The following MAST2 variants were observed in gnomAD, a reference collection of about 807,000 sequenced individuals.
MAST2 encodes microtubule-associated serine/threonine-protein kinase 2.
MAST2 carries 70 observed loss-of-function variants against 147.4 expected under a neutral mutation model. The ratio of observed to expected loss-of-function variants is 0.47; its 90% CI spans 0.39 to 0.58. The LOEUF (loss-of-function observed/expected upper bound fraction) is 0.58. MAST2 is among the 20% of genes least tolerant of loss of function. The pLI is 0.00. For synonymous variants in MAST2, 869 were observed against 896.8 expected (o/e 0.97, Z 0.55); for missense variants, 2,080 against 2,302.3 (o/e 0.90, Z 1.98).
At chr1:45,859,864 T>G (rs970468327) in intron 3 of MAST2, among the ~76,000 whole-genome samples, 4 of 152,198 alleles carry the variant, frequency 2.6e-5, no homozygotes, top group Admixed American at 1.3e-4. Context: ...AAATGTTTTA[T>G]TCATCTGTTC....
At chr1:45,843,673 A>G (rs1645343795) in intron 3 of MAST2, among the ~76,000 whole-genome samples, 1 of 152,226 alleles carries the variant, frequency 6.6e-6, no homozygotes, top group African/African-American at 2.4e-5. Context: ...ACAGTGAAGT[A>G]TTCAACTTAG....
At chr1:45,812,707 C>T (rs542988299) in intron 1 of MAST2, among the ~76,000 whole-genome samples, 2 of 152,226 alleles carry the variant, frequency 1.3e-5, no homozygotes, top group South Asian at 4.1e-4. Flanking sequence ...TTACAAGCAT[C>T]GGCCACTGTG....
At chr1:45,910,256 A>G (rs1000687396) in intron 4 of MAST2, among the ~76,000 whole-genome samples, 12 of 152,094 alleles carry the variant, frequency 7.9e-5, no homozygotes, top group Non-Finnish European at 1.6e-4. Flanking sequence ...GGATTTAAAA[A>G]TAAGACGTAG....
At chr1:45,944,708 CAG>C (rs1657792039) in intron 4 of MAST2, among the ~76,000 whole-genome samples, 1 of 152,170 alleles carries the variant, frequency 6.6e-6, no homozygotes, top group Admixed American at 6.5e-5. Context: ...TCCTCCAACT[CAG>C]AGTGATTATT....
At chr1:45,811,408 G>A (rs1382845711) in intron 1 of MAST2, among the ~76,000 whole-genome samples, 4 of 145,224 alleles carry the variant, frequency 2.8e-5, no homozygotes, top group Admixed American at 1.4e-4. Context: ...GCGCGATCTC[G>A]GCTCACTGCA....
intron 3 of MAST2, among the ~76,000 whole-genome samples, chr1:45,874,984 G>A (rs1291846916): frequency 6.6e-6 from 1 of 152,158 alleles, no homozygotes; most frequent in Non-Finnish European, 1.5e-5. Flanking sequence ...ACCTGAAGGT[G>A]AAAGAAAGCA....
At chr1:45,856,011 G>C (rs891335821) in intron 3 of MAST2, among the ~76,000 whole-genome samples, 1 of 152,188 alleles carries the variant, frequency 6.6e-6, no homozygotes, top group South Asian at 2.1e-4. Flanking sequence ...GATTGATCTT[G>C]AATATTGATC....
chr1:45,861,820 G>T (rs1158183147), intron 3 of MAST2, among the ~76,000 whole-genome samples: 1 of 152,142 alleles, frequency 6.6e-6, no homozygotes, highest in East Asian at 1.9e-4. Context: ...CTACCCACTG[G>T]AGTTGGGCTT....
intron 26 of MAST2, 52 bp downstream of exon 26, chr1:46,032,770 A>C (rs1212132867): frequency 4.4e-6 from 7 of 1,583,500 alleles, no homozygotes; most frequent in Non-Finnish European, 6.0e-6. Context: ...TCAGCCTGTG[A>C]GTCTGTGATG....
intron 5 of MAST2, 75 bp downstream of exon 5, chr1:45,959,552 G>A (rs747990639): frequency 3.4e-5 from 41 of 1,214,204 alleles, no homozygotes; most frequent in Non-Finnish European, 4.6e-5. Flanking sequence ...TACTTCTCAT[G>A]TTGTGCAGTT....
chr1:45,863,736 GTA>G (rs1274355556), intron 3 of MAST2, among the ~76,000 whole-genome samples: 1 of 152,136 alleles, frequency 6.6e-6, no homozygotes, highest in Non-Finnish European at 1.5e-5. Flanking sequence ...TACACCTTAG[GTA>G]GTATAACTGG....
Position 46,023,106 on chromosome 1 carries a change from C to A in MAST2, c.1486-127C>A. The A allele has an allele frequency of 8.4e-7, 1 of 1,191,692 alleles. No individual in the cohort carries two copies. The highest frequency in any genetic ancestry group is 1.2e-6 in the Non-Finnish European group (1 of 802,496). 73.8% of individuals were successfully genotyped at this position (1,191,692 alleles called of 1,614,324 possible). A position where few individuals can be genotyped will look rare whatever the true frequency, so the allele number is the denominator to read the frequency against. On this transcript the variant is annotated intron_variant, in intron 13 of 28. Coordinates refer to ENST00000361297, the MANE Select transcript of MAST2 (RefSeq NM_015112.3). This position sits in a 1 kb window ranked among gnomAD's most constrained non-coding sequence, Gnocchi z 4.9. ...CAGCAAACACTGAGAAGTCATTCTA[C>A]TCCCAGAAGAATGAGCAGGAGACTG...
chr1:45,815,184 CTT>C (rs36054374), intron 1 of MAST2, among the ~76,000 whole-genome samples: 13 of 139,774 alleles, frequency 9.3e-5, no homozygotes, highest in Non-Finnish European at 1.4e-4. Context: ...GTCAGATCTT[CTT>C]TTTTTTTTTT....
At chr1:45,870,691 G>T (rs1334756809) in intron 3 of MAST2, among the ~76,000 whole-genome samples, 5 of 151,666 alleles carry the variant, frequency 3.3e-5, no homozygotes, top group Admixed American at 2.0e-4. Context: ...AGAGTGCCAG[G>T]TGGGTGAATC....
chr1:46,019,637 G>A lies in MAST2; in HGVS notation c.1230G>A (p.Met410Ile). The A allele has an allele frequency of 6.2e-7, 1 of 1,614,170 alleles. No homozygotes were observed. Among genetic ancestry groups the A allele is most frequent in the Non-Finnish European group, 8.5e-7 (1 of 1,180,036 alleles). Residue 410 changes from methionine (M) to isoleucine (I), a missense_variant, in exon 11 of 29, where the codon ATG (methionine) becomes ATA (isoleucine). Coordinates refer to ENST00000361297, the MANE Select transcript of MAST2 (RefSeq NM_015112.3). Reference protein sequence around the residue: ...RSESSEVAFVMQLVKKLMIII... With the variant: ...RSESSEVAFVIQLVKKLMIII... ...AGAGCTCAGAAGTGGCTTTTGTGAT[G>A]CAGCTGGTGAAAAAGCTGATGATTA...
intron 2 of MAST2, among the ~76,000 whole-genome samples, chr1:45,825,142 C>G (rs969826767): frequency 6.6e-6 from 1 of 152,116 alleles, no homozygotes; most frequent in Non-Finnish European, 1.5e-5. Flanking sequence ...TCTCCTGCCT[C>G]AGCCTCCCGA....
chr1:45,820,616 T>C (rs1053326237), intron 1 of MAST2, among the ~76,000 whole-genome samples: 5 of 152,148 alleles, frequency 3.3e-5, no homozygotes, highest in African/African-American at 7.2e-5. Flanking sequence ...TTAAGTCATA[T>C]AGGGAAAAAA....
At chr1:45,985,963 T>C (rs1644597845) in intron 5 of MAST2, among the ~76,000 whole-genome samples, 1 of 152,228 alleles carries the variant, frequency 6.6e-6, no homozygotes, top group South Asian at 2.1e-4. Context: ...CTAACTCTCT[T>C]ATTCCAGTAG....
intron 2 of MAST2, among the ~76,000 whole-genome samples, chr1:45,828,510 G>T (rs557142957): frequency 6.6e-6 from 1 of 152,312 alleles, no homozygotes; most frequent in South Asian, 2.1e-4. Flanking sequence ...ATAGTAAGGA[G>T]CCATCAGAGG....
Sources: allele counts gnomAD v4.1 joint callset (sites outside exome capture counted in the v4.1 genomes callset), GRCh38; gene constraint gnomAD v4.1.1; non-coding constraint Gnocchi (gnomAD v3.1); transcripts MANE v1.5; gene names NCBI Gene and HGNC (gene_info 2026-07-23, HGNC 2026-07-21).